Variants in ENOX2 observed in about 807,000 individuals in gnomAD.
ENOX2 encodes ecto-NOX disulfide-thiol exchanger 2, also known as APK1 antigen.
A neutral mutation model predicts 45.0 loss-of-function variants in ENOX2; 36 were observed. The ratio of observed to expected loss-of-function variants is 0.80; its 90% CI spans 0.61 to 1.06. The LOEUF (loss-of-function observed/expected upper bound fraction) is 1.06. ENOX2 is among the 50% of genes least tolerant of loss of function. ENOX2 has a pLI of 0.00. For synonymous variants in ENOX2, 174 were observed against 152.3 expected, an observed-to-expected ratio of 1.14 and a Z score of -1.05; for missense variants, 423 against 462.5, an observed-to-expected ratio of 0.91 and a Z score of 0.78.
At chrX:130,835,432 A>C (rs1295099767) in intron 2 of ENOX2, among the ~76,000 whole-genome samples, 1 of 111,032 alleles carries the variant, frequency 9.0e-6, no homozygotes. Flanking sequence ...CATTCACACC[A>C]GTATTAAGGG....
Position 130,629,459 on chromosome X carries a change from C to T in ENOX2, c.1529-1416G>A, listed in dbSNP as rs990959506. Among the ~76,000 whole-genome samples, 3 of 112,669 alleles carry T rather than the reference C, an allele frequency of 2.7e-5. No individual in the cohort carries two copies. In the South Asian group the frequency reaches 1.1e-3, roughly 42 times the overall value. ...AACAAGAAAGACTTATTTTAAGAAT[C>T]TTTTTTTCTAGGACTATCCATTCAC... On this transcript the variant is annotated intron_variant, in intron 13 of 14. Transcript: ENST00000394363.
At chrX:130,782,895 T>C (rs2076917368) in intron 3 of ENOX2, among the ~76,000 whole-genome samples, 1 of 109,035 alleles carries the variant, frequency 9.2e-6, no homozygotes, top group Non-Finnish European at 1.9e-5. Context: ...ACATGAGGGA[T>C]TGGGGTAGGA....
At chrX:130,744,259 T>C (rs1359194891) in intron 3 of ENOX2, among the ~76,000 whole-genome samples, 1 of 112,306 alleles carries the variant, frequency 8.9e-6, no homozygotes, top group Non-Finnish European at 1.9e-5. Context: ...GAGTTCCCTG[T>C]CTGATATAAG....
At chrX:130,706,664 A>G (rs1313659813) in intron 3 of ENOX2, among the ~76,000 whole-genome samples, 1 of 112,029 alleles carries the variant, frequency 8.9e-6, no homozygotes, top group East Asian at 2.8e-4. Context: ...AAATATTTAA[A>G]TTAATAAAGA....
rs1176052103 is a variant in ENOX2, at chrX:130,694,600, C to CT, written c.98-5583dup. On this transcript the variant is annotated intron_variant, in intron 4 of 14. Coordinates refer to ENST00000394363, the MANE Select transcript of ENOX2 (RefSeq NM_006375.4). ...GCCCGTTCATGCTGGCTTTTCTTTT[C>CT]TTTTTTTTTTTTTTTTTTTGAGATG... Among the ~76,000 whole-genome samples the CT allele has an allele frequency of 9.5e-3, 815 of 86,090 alleles. 10 individuals are homozygous for CT. The highest frequency in any genetic ancestry group is 0.032 in the South Asian group (58 of 1,834). The allele number at this position is 86,090 out of a possible 115,157, so 74.8% of individuals were successfully genotyped here. A position where few individuals can be genotyped will look rare whatever the true frequency, so the allele number is the denominator to read the frequency against.
chrX:130,774,950 G>A (rs182723659), intron 3 of ENOX2, among the ~76,000 whole-genome samples: 3 of 112,211 alleles, frequency 2.7e-5, no homozygotes, highest in African/African-American at 9.7e-5. Flanking sequence ...CAGTGATATT[G>A]GGGATTGTAG....
At chrX:130,803,737 T>A (rs1256403085) in intron 2 of ENOX2, among the ~76,000 whole-genome samples, 1 of 111,910 alleles carries the variant, frequency 8.9e-6, no homozygotes, top group African/African-American at 3.2e-5. Context: ...AAATGCTGAC[T>A]ACTACCAAAA....
intron 13 of ENOX2, 128 bp from the exon 14 acceptor site, chrX:130,628,171 C>A (rs767604353): frequency 1.5e-4 from 72 of 485,801 alleles, no homozygotes; most frequent in Non-Finnish European, 2.5e-4. Flanking sequence ...TAAGTTTACA[C>A]GTATTTTACT....
At chrX:130,867,080 T>C (rs1049988937) in intron 2 of ENOX2, among the ~76,000 whole-genome samples, 2 of 111,300 alleles carry the variant, frequency 1.8e-5, no homozygotes, top group African/African-American at 3.3e-5. Context: ...AAATAACATG[T>C]TTACAAAAAT....
At chrX:130,870,199 G>A (rs1478519549) in intron 2 of ENOX2, among the ~76,000 whole-genome samples, 1 of 111,126 alleles carries the variant, frequency 9.0e-6, no homozygotes, top group Non-Finnish European at 1.9e-5. Flanking sequence ...CCTCAATAAG[G>A]TGATGCCTGT....
intron 2 of ENOX2, among the ~76,000 whole-genome samples, chrX:130,826,130 T>C (rs1302694620): frequency 2.7e-5 from 3 of 111,266 alleles, no homozygotes; most frequent in Non-Finnish European, 5.7e-5. Context: ...ATATTTAAAA[T>C]TTTTCATAAT....
At chrX:130,874,050 A>C (rs1231345756) in intron 2 of ENOX2, among the ~76,000 whole-genome samples, 1 of 111,804 alleles carries the variant, frequency 8.9e-6, no homozygotes, top group South Asian at 3.8e-4. Flanking sequence ...TAACAAACAA[A>C]AAAAAAGAAG....
At chrX:130,652,954 T>C (rs760083961) in intron 10 of ENOX2, among the ~76,000 whole-genome samples, 23 of 112,383 alleles carry the variant, frequency 2.0e-4, no homozygotes, top group South Asian at 1.1e-3. Flanking sequence ...TCCAGAACTG[T>C]GAGACAATAC....
At chrX:130,872,467 C>G (rs959984158) in intron 2 of ENOX2, among the ~76,000 whole-genome samples, 2 of 111,974 alleles carry the variant, frequency 1.8e-5, no homozygotes, top group Non-Finnish European at 3.8e-5. Context: ...ATTTCAGCAT[C>G]AGCCTATGTT....
chrX:130,648,598 T>G (rs1443770795), intron 10 of ENOX2, among the ~76,000 whole-genome samples: 1 of 111,506 alleles, frequency 9.0e-6, no homozygotes, highest in African/African-American at 3.3e-5. Flanking sequence ...GGTTTGGTTA[T>G]GATTTATTTT....
intron 3 of ENOX2, among the ~76,000 whole-genome samples, chrX:130,757,258 C>A (rs1179104424): frequency 1.8e-5 from 2 of 111,827 alleles, no homozygotes; most frequent in African/African-American, 6.5e-5. Flanking sequence ...CTTACAAATT[C>A]ATGTCTCCCA....
chrX:130,645,693 C>A, intron 10 of ENOX2: 1 of 605,799 alleles, frequency 1.7e-6, no homozygotes, highest in Non-Finnish European at 2.5e-6. Flanking sequence ...GTTTCATGCC[C>A]CAGCAGCCGC....
At chrX:130,890,167 CTTCT>C (rs1404558961) in intron 2 of ENOX2, among the ~76,000 whole-genome samples, 3 of 111,015 alleles carry the variant, frequency 2.7e-5, no homozygotes, top group Non-Finnish European at 3.8e-5. Context: ...TTTTTGTTAG[CTTCT>C]TTCTGACAGT....
At chrX:130,689,885 C>T (rs754939923) in intron 4 of ENOX2, among the ~76,000 whole-genome samples, 1 of 111,495 alleles carries the variant, frequency 9.0e-6, no homozygotes, top group East Asian at 2.8e-4. Context: ...CACTGCGAAT[C>T]AGTACTGGCA....
Sources: allele counts gnomAD v4.1 joint callset (sites outside exome capture counted in the v4.1 genomes callset), GRCh38; gene constraint gnomAD v4.1.1; transcripts MANE v1.5; gene names NCBI Gene and HGNC (gene_info 2026-07-23, HGNC 2026-07-21).